Variants in COL8A1 observed in about 807,000 individuals in gnomAD.
COL8A1 encodes the protein collagen alpha-1(VIII) chain.
A neutral mutation model predicts 42.7 loss-of-function variants in COL8A1; 21 were observed. The ratio of observed to expected loss-of-function variants is 0.49; its 90% CI spans 0.35 to 0.71. The LOEUF is 0.71. COL8A1 is among the 30% of genes least tolerant of loss of function. The pLI is 0.01. For missense variants in COL8A1, 788 were observed against 962.4 expected (o/e 0.82, Z 2.40); for synonymous variants, 367 against 369.1 (o/e 0.99, Z 0.06).
intron 1 of COL8A1, among the ~76,000 whole-genome samples, chr3:99,713,947 G>T (rs1559615421): frequency 1.3e-5 from 2 of 152,082 alleles, no homozygotes; most frequent in South Asian, 4.2e-4. Context: ...AATGCCAGGA[G>T]CCTGTGGCTC....
intron 2 of COL8A1, among the ~76,000 whole-genome samples, chr3:99,773,193 T>C (rs1311330832): frequency 6.6e-6 from 1 of 152,226 alleles, no homozygotes; most frequent in Non-Finnish European, 1.5e-5. Context: ...ATAGCCATTA[T>C]TAGTAGAGCG....
chr3:99,762,123 T>C (rs1941376756), intron 2 of COL8A1, among the ~76,000 whole-genome samples: 4 of 152,198 alleles, frequency 2.6e-5, no homozygotes, highest in Admixed American at 2.0e-4. Flanking sequence ...AAATATCATT[T>C]TTGAGATAAG....
chr3:99,653,673 C>A (rs1262192942), intron 1 of COL8A1, among the ~76,000 whole-genome samples: 1 of 150,936 alleles, frequency 6.6e-6, no homozygotes, highest in Admixed American at 6.6e-5. Flanking sequence ...TACCTCATCC[C>A]GTGAGTTTCT....
At chr3:99,696,961 C>T (rs944548932) in intron 1 of COL8A1, among the ~76,000 whole-genome samples, 42 of 150,494 alleles carry the variant, frequency 2.8e-4, no homozygotes, top group African/African-American at 9.5e-4. Flanking sequence ...TAATCCCCAC[C>T]GGAAATATAC....
At chr3:99,786,726 A>G (rs1003909108) in intron 2 of COL8A1, among the ~76,000 whole-genome samples, 9 of 152,110 alleles carry the variant, frequency 5.9e-5, no homozygotes, top group Non-Finnish European at 1.2e-4. Context: ...CTAATTCACC[A>G]CTGTATCTCC....
At chr3:99,742,914 GA>G (rs1240448274) in intron 1 of COL8A1, among the ~76,000 whole-genome samples, 1 of 152,006 alleles carries the variant, frequency 6.6e-6, no homozygotes, top group African/African-American at 2.4e-5. Flanking sequence ...AAGAAAAATT[GA>G]AAAAAATCTT....
chr3:99,688,308 AG>A (rs142742125), intron 1 of COL8A1, among the ~76,000 whole-genome samples: 5,325 of 152,280 alleles, frequency 0.035, 150 homozygotes, highest in East Asian at 0.063. Context: ...AGGTGTCAAT[AG>A]GGCTGCATTC....
chr3:99,675,978 A>G (rs2107318037), intron 1 of COL8A1, among the ~76,000 whole-genome samples: 1 of 152,224 alleles, frequency 6.6e-6, no homozygotes, highest in South Asian at 2.1e-4. Context: ...AGAATGAATA[A>G]TCATATCTGG....
intron 1 of COL8A1, among the ~76,000 whole-genome samples, chr3:99,671,178 T>C (rs1339527210): frequency 6.6e-6 from 1 of 152,004 alleles, no homozygotes; most frequent in Non-Finnish European, 1.5e-5. Context: ...TTAAAACAAA[T>C]ATGAAAAATA....
intron 1 of COL8A1, among the ~76,000 whole-genome samples, chr3:99,734,036 A>T (rs1940617920): frequency 6.6e-6 from 1 of 151,926 alleles, no homozygotes; most frequent in South Asian, 2.1e-4. Context: ...TTCATTGTAG[A>T]TTCTGGATAT....
At chr3:99,788,816 AGACT>A (rs1941944538) in intron 2 of COL8A1, among the ~76,000 whole-genome samples, 1 of 152,242 alleles carries the variant, frequency 6.6e-6, no homozygotes, top group African/African-American at 2.4e-5. Flanking sequence ...GCATATCCAC[AGACT>A]ATCTGAAAAA....
At chr3:99,722,544 G>A (rs1339707829) in intron 1 of COL8A1, among the ~76,000 whole-genome samples, 1 of 152,136 alleles carries the variant, frequency 6.6e-6, no homozygotes, top group Admixed American at 6.6e-5. Flanking sequence ...CAGTGATAAT[G>A]TGACACACAT....
At chr3:99,695,831 T>G (rs1939351296) in intron 1 of COL8A1, among the ~76,000 whole-genome samples, 1 of 152,192 alleles carries the variant, frequency 6.6e-6, no homozygotes, top group African/African-American at 2.4e-5. Flanking sequence ...CACTGAAAAT[T>G]TGTTAAAGAA....
chr3:99,770,168 C>A (rs193120004), intron 2 of COL8A1, among the ~76,000 whole-genome samples: 27 of 152,178 alleles, frequency 1.8e-4, no homozygotes, highest in African/African-American at 5.3e-4. Context: ...CCTGTTTGTT[C>A]AGATTCTTCG....
intron 1 of COL8A1, among the ~76,000 whole-genome samples, chr3:99,697,276 G>A (rs11920709): frequency 0.081 from 12,314 of 152,120 alleles, 698 homozygotes; most frequent in Non-Finnish European, 0.12. Context: ...GTGAGCCACC[G>A]CGCCCGGCAC....
At chr3:99,709,102 A>G (rs1346627283) in intron 1 of COL8A1, among the ~76,000 whole-genome samples, 1 of 132,808 alleles carries the variant, frequency 7.5e-6, no homozygotes, top group Non-Finnish European at 1.5e-5. Context: ...CTGTCTGCCT[A>G]GACATCTTGT....
chr3:99,684,193 G>T (rs1938979072), intron 1 of COL8A1, among the ~76,000 whole-genome samples: 1 of 152,120 alleles, frequency 6.6e-6, no homozygotes, highest in Admixed American at 6.6e-5. Context: ...TACAAGAAGG[G>T]CTCTCTTCTC....
rs375740279 is a variant in COL8A1 at position 99,654,057 on chromosome 3, T to A, written c.-129+15393T>A. Among the ~76,000 whole-genome samples, 33 of 152,284 alleles carry A rather than the reference T, an allele frequency of 2.2e-4. 1 individual carries two copies. In the East Asian group the frequency reaches 4.1e-3, roughly 19 times the overall value. On this transcript the variant is annotated intron_variant, in intron 1 of 3. Transcript: ENST00000652472. ...CTGTGGCCGAGGGCCTGAGAGCCCC[T>A]GGCAAACCACTGGTGTAAGTCCAAG...
rs561269779 is a variant in COL8A1 at position 99,773,207 on chromosome 3, T to C, written c.-3-17473T>C. ...TATAGCCATTATTAGTAGAGCGTAA[T>C]AGTGTTTGAAAACAGTCTAAGCCCT... is the stretch of plus-strand genomic sequence containing the variant. On this transcript the variant is annotated intron_variant, in intron 2 of 3. Transcript: ENST00000652472. Among the ~76,000 whole-genome samples, 36 of 152,332 alleles carry C rather than the reference T, an allele frequency of 2.4e-4. No homozygotes were observed. The South Asian group carries it at 5.6e-3, about 24-fold the overall frequency.
Sources: allele counts gnomAD v4.1 joint callset (sites outside exome capture counted in the v4.1 genomes callset), GRCh38; gene constraint gnomAD v4.1.1; transcripts MANE v1.5; gene names NCBI Gene and HGNC (gene_info 2026-07-23, HGNC 2026-07-21).